Variants in CDH13 observed in about 807,000 individuals in gnomAD.
CDH13 encodes cadherin 13, also known as cadherin-13.
Under a neutral mutation model 63.8 loss-of-function variants are expected in CDH13, and 24 were observed. The ratio of observed to expected loss-of-function variants is 0.38; its 90% CI spans 0.27 to 0.53. CDH13 has a LOEUF of 0.53. Ranked by LOEUF, CDH13 falls within the 20% of genes least tolerant of loss-of-function variation. The pLI is 0.85. For missense variants in CDH13, 1,049 were observed against 903.1 expected (o/e 1.16, Z -2.07); for synonymous variants, 503 against 355.3 (o/e 1.42, Z -4.67).
At chr16:82,706,743 G>A (rs1470738366) in intron 1 of CDH13, among the ~76,000 whole-genome samples, 1 of 152,004 alleles carries the variant, frequency 6.6e-6, no homozygotes, top group Non-Finnish European at 1.5e-5. Flanking sequence ...GACGGAGGTT[G>A]CGGTGAGCTG....
At chr16:83,714,383 C>G (rs1408422185) in intron 10 of CDH13, among the ~76,000 whole-genome samples, 3 of 152,122 alleles carry the variant, frequency 2.0e-5, no homozygotes, top group African/African-American at 7.2e-5. Flanking sequence ...TTAAACAAAA[C>G]ACTGTGAAGC....
chr16:82,923,373 T>C (rs1192512386), intron 2 of CDH13, among the ~76,000 whole-genome samples: 1 of 152,196 alleles, frequency 6.6e-6, no homozygotes, highest in Non-Finnish European at 1.5e-5. Flanking sequence ...GTTCAGTACA[T>C]AAGCATATTT....
At chr16:83,150,932 C>G (rs949173413) in intron 4 of CDH13, among the ~76,000 whole-genome samples, 3 of 152,186 alleles carry the variant, frequency 2.0e-5, no homozygotes, top group Admixed American at 6.5e-5. Context: ...TTATCTGCCT[C>G]TGTCCCTGAA....
chr16:82,907,323 C>G (rs924099361), intron 2 of CDH13, among the ~76,000 whole-genome samples: 1 of 152,068 alleles, frequency 6.6e-6, no homozygotes, highest in African/African-American at 2.4e-5. Flanking sequence ...CCTCACTAGG[C>G]TCCCGGAAGA....
At chr16:83,394,493 G>A (rs2091848077) in intron 6 of CDH13, among the ~76,000 whole-genome samples, 1 of 152,132 alleles carries the variant, frequency 6.6e-6, no homozygotes, top group African/African-American at 2.4e-5. Context: ...TAAGGATGTG[G>A]GATGGATGAA....
At chr16:82,873,912 C>T (rs1188652649) in intron 2 of CDH13, among the ~76,000 whole-genome samples, 1 of 152,072 alleles carries the variant, frequency 6.6e-6, no homozygotes, top group Non-Finnish European at 1.5e-5. Context: ...TACTTGTTCT[C>T]CCCCACCCCT....
intron 1 of CDH13, among the ~76,000 whole-genome samples, chr16:82,853,352 A>T (rs867417201): frequency 6.6e-6 from 1 of 152,236 alleles, no homozygotes; most frequent in Admixed American, 6.5e-5. Context: ...TAGTTTGTCA[A>T]TGTCTACCCT....
intron 3 of CDH13, among the ~76,000 whole-genome samples, chr16:83,081,687 AAG>A (rs879394499): frequency 2.4e-4 from 36 of 149,252 alleles, no homozygotes; most frequent in East Asian, 3.9e-4. Flanking sequence ...TCACACAGTA[AAG>A]AGAGAGAGAG....
chr16:82,629,126 C>T (rs981476330), intron 1 of CDH13, among the ~76,000 whole-genome samples: 2 of 152,204 alleles, frequency 1.3e-5, no homozygotes, highest in East Asian at 1.9e-4. Flanking sequence ...AGACAGACCA[C>T]GTGACAGGGC....
rs1200717191 is a variant in CDH13 at position 83,513,912 on chromosome 16, G to C, written c.960+27257G>C. The stretch of plus-strand genomic sequence containing the variant: ...TAAAAACATAGACAAAAATTATAGA[G>C]AATGAAGGAAAAAAAGTAAGGGGTT... On this transcript the variant is annotated intron_variant, in intron 7 of 13. Transcript: ENST00000567109. 2.6e-5 allele frequency among the ~76,000 whole-genome samples: 4 copies of C among 152,076 alleles called. No individual in the cohort carries two copies. The South Asian group carries it at 8.3e-4, about 32-fold the overall frequency.
At chr16:83,370,281 G>T (rs977341643) in intron 6 of CDH13, among the ~76,000 whole-genome samples, 8 of 151,752 alleles carry the variant, frequency 5.3e-5, no homozygotes, top group Non-Finnish European at 8.8e-5. Context: ...GCAGCTACTC[G>T]GGAGGCTGAG....
chr16:83,572,205 TGTGTGA>T (rs893202731), intron 7 of CDH13, among the ~76,000 whole-genome samples: 26 of 150,108 alleles, frequency 1.7e-4, no homozygotes, highest in African/African-American at 5.0e-4. Context: ...TGTGTGTGTG[TGTGTGA>T]GTTTCACTAT....
Position 83,105,710 on chromosome 16 carries a change from A to C in CDH13, c.367-19675A>C, listed in dbSNP as rs139467522. On this transcript the variant is annotated intron_variant, in intron 3 of 13. Coordinates refer to ENST00000567109, the MANE Select transcript of CDH13 (RefSeq NM_001257.5). ...GCATGGTAATGGGACCTGGCAGATGAAACCAGAAATTGATAGAAACCACCC... is the reference window on the plus strand; with the variant it reads ...GCATGGTAATGGGACCTGGCAGATGCAACCAGAAATTGATAGAAACCACCC... 1.5e-3 allele frequency among the ~76,000 whole-genome samples: 236 copies of C among 152,346 alleles called. 1 individual carries two copies. Among genetic ancestry groups the C allele is most frequent in the African/African-American group, 5.4e-3 (224 of 41,572 alleles).
chr16:83,385,753 A>G (rs2091661167), intron 6 of CDH13, among the ~76,000 whole-genome samples: 2 of 152,248 alleles, frequency 1.3e-5, no homozygotes, highest in Middle Eastern at 3.4e-3. Flanking sequence ...AATATATGGG[A>G]ACCTCCTCAC....
chr16:82,724,111 A>T (rs1160883912), intron 1 of CDH13, among the ~76,000 whole-genome samples: 1 of 152,148 alleles, frequency 6.6e-6, no homozygotes, highest in African/African-American at 2.4e-5. Flanking sequence ...GTGAAGCTTG[A>T]AAGATCCTAC....
intron 6 of CDH13, among the ~76,000 whole-genome samples, chr16:83,424,182 C>G (rs541434981): frequency 4.0e-5 from 6 of 150,748 alleles, no homozygotes; most frequent in African/African-American, 1.2e-4. Context: ...AAATCTAACA[C>G]GTACTGAACA....
intron 7 of CDH13, among the ~76,000 whole-genome samples, chr16:83,519,228 C>G (rs2074772497): frequency 6.6e-6 from 1 of 152,184 alleles, no homozygotes; most frequent in African/African-American, 2.4e-5. Flanking sequence ...TGTCTTGTCT[C>G]AGCCTAACAA....
chr16:83,712,118 C>T (rs1908153553), intron 10 of CDH13, among the ~76,000 whole-genome samples: 1 of 152,176 alleles, frequency 6.6e-6, no homozygotes, highest in Non-Finnish European at 1.5e-5. Flanking sequence ...TAGTGATCTC[C>T]TTTTAACTTA....
At chr16:83,350,720 G>A (rs1465852931) in intron 6 of CDH13, among the ~76,000 whole-genome samples, 15 of 152,140 alleles carry the variant, frequency 9.9e-5, no homozygotes, top group South Asian at 4.2e-4. Context: ...AGAAAATTGC[G>A]GCAAGTGCTA....
Sources: allele counts gnomAD v4.1 joint callset (sites outside exome capture counted in the v4.1 genomes callset), GRCh38; gene constraint gnomAD v4.1.1; transcripts MANE v1.5; gene names NCBI Gene and HGNC (gene_info 2026-07-23, HGNC 2026-07-21).